The following HS3ST4 variants were observed in gnomAD, a reference collection of about 807,000 sequenced individuals.
The protein encoded by HS3ST4 is heparan sulfate glucosamine 3-O-sulfotransferase 4.
A neutral mutation model predicts 29.2 loss-of-function variants in HS3ST4; 17 were observed. The ratio of observed to expected loss-of-function variants is 0.58; its 90% CI spans 0.40 to 0.87. HS3ST4 has a LOEUF of 0.87. Among genes scored for constraint, HS3ST4 ranks in the 40% least tolerant of loss-of-function variants. The pLI, the probability that HS3ST4 is intolerant of heterozygous loss-of-function variation, is 0.00. For missense variants in HS3ST4, 627 were observed against 634.5 expected (o/e 0.99, Z 0.13); for synonymous variants, 314 against 285.7 (o/e 1.10, Z -1.00).
chr16:26,050,547 C>T (rs1421842958), intron 1 of HS3ST4, among the ~76,000 whole-genome samples: 3 of 152,170 alleles, frequency 2.0e-5, no homozygotes, highest in African/African-American at 4.8e-5. Flanking sequence ...ACATGCCAGG[C>T]ACTGTGGAAA....
intron 1 of HS3ST4, among the ~76,000 whole-genome samples, chr16:25,696,686 T>A (rs559689054): frequency 5.1e-4 from 77 of 152,260 alleles, no homozygotes; most frequent in African/African-American, 1.8e-3. Flanking sequence ...AATACACACA[T>A]TCCATTGGCT....
intron 1 of HS3ST4, among the ~76,000 whole-genome samples, chr16:26,000,863 C>A (rs1969205883): frequency 6.6e-6 from 1 of 152,110 alleles, no homozygotes; most frequent in Non-Finnish European, 1.5e-5. Context: ...TAATTTGAAT[C>A]TAATCGTGAG....
intron 1 of HS3ST4, among the ~76,000 whole-genome samples, chr16:25,964,717 A>G (rs750248165): frequency 6.6e-5 from 10 of 152,078 alleles, no homozygotes; most frequent in Non-Finnish European, 1.2e-4. Flanking sequence ...ATTCTTGTAT[A>G]TTTTTCTTCC....
At chr16:25,984,989 C>G (rs2141724721) in intron 1 of HS3ST4, among the ~76,000 whole-genome samples, 1 of 152,314 alleles carries the variant, frequency 6.6e-6, no homozygotes, top group South Asian at 2.1e-4. Context: ...GCTTGGTGGT[C>G]TTAGCACCAT....
At chr16:26,029,075 T>C (rs1227857715) in intron 1 of HS3ST4, 5 of 152,254 alleles carry the variant, frequency 3.3e-5, no homozygotes, top group Non-Finnish European at 7.3e-5. Context: ...TACTTGTTGT[T>C]TTATTTTTAT....
intron 1 of HS3ST4, among the ~76,000 whole-genome samples, chr16:25,937,213 A>T (rs547239961): frequency 1.3e-5 from 2 of 152,238 alleles, no homozygotes; most frequent in African/African-American, 4.8e-5. Context: ...GGAAGAACTA[A>T]TGTAACTGTG....
Position 26,090,311 on chromosome 16 carries a change from T to C in HS3ST4, c.735-45301T>C, listed in dbSNP as rs544295696. On this transcript the variant is annotated intron_variant, in intron 1 of 1. Transcript: ENST00000331351. The stretch of plus-strand genomic sequence containing the variant: ...GCAGATCACGTGAAATCTCTCTGCA[T>C]TGGGATGTTTATGATCCTTTCGTCT... Among the ~76,000 whole-genome samples the C allele has an allele frequency of 2.0e-5, 3 of 146,606 alleles. No homozygotes were observed. The East Asian group carries it at 8.4e-4, about 41-fold the overall frequency.
intron 1 of HS3ST4, among the ~76,000 whole-genome samples, chr16:26,122,632 C>G (rs1899291229): frequency 6.6e-6 from 1 of 152,184 alleles, no homozygotes; most frequent in Admixed American, 6.5e-5. Flanking sequence ...ATATGCCACA[C>G]TGAAGCTGTT....
At chr16:25,771,256 C>T (rs1275578672) in intron 1 of HS3ST4, among the ~76,000 whole-genome samples, 1 of 152,100 alleles carries the variant, frequency 6.6e-6, no homozygotes, top group Non-Finnish European at 1.5e-5. Context: ...TTTTCTGTTC[C>T]TGTGTGAGTT....
Position 26,036,829 on chromosome 16 carries a change from T to G in HS3ST4, c.735-98783T>G, listed in dbSNP as rs1237165371. On this transcript the variant is annotated intron_variant, in intron 1 of 1. Coordinates refer to ENST00000331351, the MANE Select transcript of HS3ST4 (RefSeq NM_006040.3). ...AACTATCTAGAACAAAAGGAAAGCCTTAAAAAGAATGCATTGGAAAGAGCT... is the reference window on the plus strand; with the variant it reads ...AACTATCTAGAACAAAAGGAAAGCCGTAAAAAGAATGCATTGGAAAGAGCT... Among the ~76,000 whole-genome samples, 6 of 152,168 alleles carry G rather than the reference T, an allele frequency of 3.9e-5. No homozygotes were observed. In the East Asian group the frequency reaches 1.2e-3, roughly 29 times the overall value.
At chr16:25,782,091 CT>C (rs1567238840) in intron 1 of HS3ST4, among the ~76,000 whole-genome samples, 1 of 152,106 alleles carries the variant, frequency 6.6e-6, no homozygotes, top group African/African-American at 2.4e-5. Flanking sequence ...AGCAAGACAC[CT>C]TCTTCACAAG....
chr16:25,782,998 A>G (rs1210269624), intron 1 of HS3ST4, among the ~76,000 whole-genome samples: 2 of 152,062 alleles, frequency 1.3e-5, no homozygotes, highest in African/African-American at 4.8e-5. Context: ...TTCTTTCCCC[A>G]CTTAACACAA....
chr16:25,921,896 A>AGG (rs1242404630), intron 1 of HS3ST4, among the ~76,000 whole-genome samples: 1 of 152,026 alleles, frequency 6.6e-6, no homozygotes, highest in Non-Finnish European at 1.5e-5. Flanking sequence ...CTGGGACTAC[A>AGG]GGCATGTGCT....
intron 1 of HS3ST4, among the ~76,000 whole-genome samples, chr16:25,929,775 T>C (rs1390072944): frequency 2.6e-5 from 4 of 152,246 alleles, no homozygotes; most frequent in Non-Finnish European, 5.9e-5. Flanking sequence ...CGTGATTCTT[T>C]TTAAAAATAT....
chr16:25,715,582 T>C (rs1387817460), intron 1 of HS3ST4, among the ~76,000 whole-genome samples: 4 of 152,140 alleles, frequency 2.6e-5, no homozygotes, highest in Non-Finnish European at 4.4e-5. Context: ...AAGCAAATAC[T>C]TCTCTTCTCT....
intron 1 of HS3ST4, among the ~76,000 whole-genome samples, chr16:25,950,738 A>C (rs928436645): frequency 3.3e-5 from 5 of 152,088 alleles, no homozygotes; most frequent in African/African-American, 1.2e-4. Context: ...AGTCCCACAG[A>C]CTTGCACAGC....
chr16:25,784,968 G>C (rs1418732730), intron 1 of HS3ST4, among the ~76,000 whole-genome samples: 1 of 152,192 alleles, frequency 6.6e-6, no homozygotes, highest in Non-Finnish European at 1.5e-5. Flanking sequence ...AATGCAGCTG[G>C]TGACTTTAAG....
At chr16:25,802,925 ATATGTGTGTGTGTGTG>A (rs1487198239) in intron 1 of HS3ST4, among the ~76,000 whole-genome samples, 71 of 131,446 alleles carry the variant, frequency 5.4e-4, no homozygotes, top group Admixed American at 6.5e-4. Context: ...TTTAAGTTAT[ATATGTGTGTGTGTGTG>A]TGTGTGTGTG....
intron 1 of HS3ST4, among the ~76,000 whole-genome samples, chr16:25,995,179 T>G (rs925253938): frequency 6.6e-6 from 1 of 152,228 alleles, no homozygotes; most frequent in Non-Finnish European, 1.5e-5. Flanking sequence ...TCATCTTGGC[T>G]TTATCACTTC....
Sources: gnomAD v4.1 joint callset for allele counts (sites outside exome capture counted in the v4.1 genomes callset) on GRCh38, gnomAD v4.1.1 for gene constraint, MANE v1.5 for transcripts, NCBI Gene and HGNC (gene_info 2026-07-23, HGNC 2026-07-21) for gene names.